LRRC4C: variants seen among roughly 807,000 people sequenced by gnomAD.
LRRC4C encodes the protein leucine-rich repeat-containing protein 4C.
LRRC4C carries 5 observed loss-of-function variants against 33.6 expected under a neutral mutation model. That is an observed-to-expected ratio of 0.15 (90% CI 0.08 to 0.31). The LOEUF (loss-of-function observed/expected upper bound fraction) is 0.31. Ranked by LOEUF, LRRC4C falls within the 10% of genes least tolerant of loss-of-function variation. The pLI is 1.00. For missense variants in LRRC4C, 560 were observed against 796.7 expected, an observed-to-expected ratio of 0.70 and a Z score of 3.58; for synonymous variants, 329 against 302.0, an observed-to-expected ratio of 1.09 and a Z score of -0.93.
At chr11:40,620,811 A>C (rs1962376581) in intron 3 of LRRC4C, among the ~76,000 whole-genome samples, 2 of 151,858 alleles carry the variant, frequency 1.3e-5, no homozygotes, top group Non-Finnish European at 2.9e-5. Flanking sequence ...AACGCTGAGT[A>C]ACTTTTCATT....
rs559041076 is a variant in LRRC4C, at chr11:40,929,746, CTAGT to C, written c.-407+3885_-407+3888del. Among the ~76,000 whole-genome samples the C allele has an allele frequency of 4.8e-3, 737 of 152,210 alleles. 1 individual carries two copies. Among genetic ancestry groups the C allele is most frequent in the Non-Finnish European group, 7.4e-3 (501 of 68,014 alleles). ...TCTCCTGCCTCAGCCTCCCGAGTAGCTAGTTATTCAATTCTTAAATGTAATTCAG... is the reference window on the plus strand; with the variant it reads ...TCTCCTGCCTCAGCCTCCCGAGTAGCTATTCAATTCTTAAATGTAATTCAG... On this transcript the variant is annotated intron_variant, in intron 2 of 6. Coordinates refer to ENST00000528697, the MANE Select transcript of LRRC4C (RefSeq NM_001258419.2).
chr11:41,060,443 A>C (rs527352009), intron 1 of LRRC4C, among the ~76,000 whole-genome samples: 1 of 152,300 alleles, frequency 6.6e-6, no homozygotes, highest in African/African-American at 2.4e-5. Flanking sequence ...TAGTGGTGGC[A>C]GATTTTGTTT....
At chr11:40,719,847 C>T (rs751063000) in intron 2 of LRRC4C, among the ~76,000 whole-genome samples, 7 of 152,068 alleles carry the variant, frequency 4.6e-5, no homozygotes, top group Non-Finnish European at 8.8e-5. Flanking sequence ...TGAAGAAAAT[C>T]GGATTCAAAG....
chr11:41,154,322 C>T (rs1198699145), intron 1 of LRRC4C, among the ~76,000 whole-genome samples: 1 of 152,102 alleles, frequency 6.6e-6, no homozygotes, highest in African/African-American at 2.4e-5. Flanking sequence ...TTACCTGGTC[C>T]TCATATAATT....
At chr11:40,457,879 T>C (rs1310485898) in intron 3 of LRRC4C, among the ~76,000 whole-genome samples, 1 of 152,176 alleles carries the variant, frequency 6.6e-6, no homozygotes, top group Non-Finnish European at 1.5e-5. Context: ...AGTCTCTGTT[T>C]TTCTTGCAGT....
intron 2 of LRRC4C, among the ~76,000 whole-genome samples, chr11:40,704,792 A>G (rs1327300081): frequency 1.3e-4 from 20 of 152,192 alleles, no homozygotes; most frequent in Non-Finnish European, 2.8e-4. Flanking sequence ...TATTAACAAT[A>G]TCATTTATAA....
chr11:40,560,399 T>C (rs1157512778), intron 3 of LRRC4C, among the ~76,000 whole-genome samples: 1 of 151,968 alleles, frequency 6.6e-6, no homozygotes, highest in African/African-American at 2.4e-5. Flanking sequence ...ACGAATTAGG[T>C]AGATCCATTG....
chr11:40,515,716 A>G (rs546442970), intron 3 of LRRC4C, among the ~76,000 whole-genome samples: 3 of 152,256 alleles, frequency 2.0e-5, no homozygotes, highest in Non-Finnish European at 4.4e-5. Context: ...ACATTTTAAA[A>G]TGCAGTAAAA....
chr11:40,201,104 G>A (rs1321134502), intron 5 of LRRC4C, among the ~76,000 whole-genome samples: 1 of 152,152 alleles, frequency 6.6e-6, no homozygotes, highest in Non-Finnish European at 1.5e-5. Context: ...GAGAATGAGA[G>A]GTCTTGGTTC....
chr11:40,922,489 C>A (rs763314490), intron 2 of LRRC4C, among the ~76,000 whole-genome samples: 1 of 152,138 alleles, frequency 6.6e-6, no homozygotes, highest in Non-Finnish European at 1.5e-5. Flanking sequence ...TTCTTTACTG[C>A]TATTGCATTA....
chr11:41,369,106 C>T (rs12225568), intron 1 of LRRC4C, among the ~76,000 whole-genome samples: 13,121 of 151,856 alleles, frequency 0.086, 610 homozygotes, highest in African/African-American at 0.12. Context: ...ATATGTTAAA[C>T]GAAAAATCTA....
In LRRC4C at chr11:40,874,586, A is replaced by G. The variant is rs148609453; in HGVS notation, c.-407+59049T>C. ...CCCTTTCTTCATCAGAAGAGCACCT[A>G]CCTACCCGAAATGCTGCAACTGTGG... On this transcript the variant is annotated intron_variant, in intron 2 of 6. Transcript: ENST00000528697. 3.2e-3 allele frequency among the ~76,000 whole-genome samples: 483 copies of G among 152,256 alleles called. 2 individuals carry two copies. The highest frequency in any genetic ancestry group is 0.011 in the African/African-American group (459 of 41,554).
chr11:41,386,012 A>G (rs1470236326), intron 1 of LRRC4C, among the ~76,000 whole-genome samples: 1 of 151,646 alleles, frequency 6.6e-6, no homozygotes, highest in African/African-American at 2.4e-5. Context: ...TTATAAGAAA[A>G]TAGATATTTA....
chr11:40,868,440 T>C (rs1024745670), intron 2 of LRRC4C, among the ~76,000 whole-genome samples: 1 of 152,088 alleles, frequency 6.6e-6, no homozygotes, highest in Non-Finnish European at 1.5e-5. Flanking sequence ...CAGAAATTCC[T>C]CCTACACCCA....
intron 1 of LRRC4C, among the ~76,000 whole-genome samples, chr11:40,970,980 A>C: frequency 6.6e-6 from 1 of 152,194 alleles, no homozygotes; most frequent in East Asian, 1.9e-4. Context: ...CTAACAACCT[A>C]TACTCACATG....
At chr11:41,076,793 C>G (rs1939184109) in intron 1 of LRRC4C, among the ~76,000 whole-genome samples, 1 of 152,122 alleles carries the variant, frequency 6.6e-6, no homozygotes, top group South Asian at 2.1e-4. Context: ...GGTATTAACT[C>G]AAAAGTCCAA....
At chr11:40,642,457 A>G (rs1942183325) in intron 3 of LRRC4C, among the ~76,000 whole-genome samples, 1 of 152,174 alleles carries the variant, frequency 6.6e-6, no homozygotes, top group Non-Finnish European at 1.5e-5. Context: ...ATAGCAAGCC[A>G]TGTGTGATGA....
At chr11:41,337,053 T>C (rs955559468) in intron 1 of LRRC4C, among the ~76,000 whole-genome samples, 1 of 148,208 alleles carries the variant, frequency 6.7e-6, no homozygotes, top group South Asian at 2.1e-4. Context: ...ATTCTTTTTC[T>C]TTTTTTTTTG....
At chr11:40,878,080 C>A (rs907637106) in intron 2 of LRRC4C, among the ~76,000 whole-genome samples, 1 of 152,054 alleles carries the variant, frequency 6.6e-6, no homozygotes, top group Non-Finnish European at 1.5e-5. Flanking sequence ...TTGGCTAGGG[C>A]TTGTGAGCTT....
Sources: allele counts gnomAD v4.1 joint callset (sites outside exome capture counted in the v4.1 genomes callset), GRCh38; gene constraint gnomAD v4.1.1; transcripts MANE v1.5; gene names NCBI Gene and HGNC (gene_info 2026-07-23, HGNC 2026-07-21).